The following RBFOX1 variants were observed in gnomAD, a reference collection of about 807,000 sequenced individuals.
RBFOX1 encodes RNA binding fox-1 homolog 1.
A neutral mutation model predicts 57.7 loss-of-function variants in RBFOX1; 8 were observed. That is an observed-to-expected ratio of 0.14 (90% CI 0.08 to 0.25). The LOEUF (loss-of-function observed/expected upper bound fraction) is 0.25. Ranked by LOEUF, RBFOX1 falls within the 10% of genes least tolerant of loss-of-function variation. RBFOX1 has a pLI of 1.00. For missense variants in RBFOX1, 611 were observed against 548.5 expected (o/e 1.11, Z -1.14); for synonymous variants, 326 against 222.4 (o/e 1.47, Z -4.15).
intron 3 of RBFOX1, among the ~76,000 whole-genome samples, chr16:6,660,997 G>A (rs2098697976): frequency 1.3e-5 from 2 of 152,140 alleles, no homozygotes; most frequent in Admixed American, 6.5e-5. Flanking sequence ...TTAATGAAGA[G>A]GCAGAGGAGT....
At chr16:6,764,254 G>A (rs2077020746) in intron 3 of RBFOX1, among the ~76,000 whole-genome samples, 1 of 152,168 alleles carries the variant, frequency 6.6e-6, no homozygotes, top group South Asian at 2.1e-4. Context: ...GGCTGGACTT[G>A]AAAGCACTGA....
intron 1 of RBFOX1, among the ~76,000 whole-genome samples, chr16:6,277,458 CAAAA>C (rs59733415): frequency 8.7e-5 from 7 of 80,820 alleles, no homozygotes; most frequent in East Asian, 3.8e-4. Flanking sequence ...GTCTGTCTCC[CAAAA>C]AAAAAAAAAA....
intron 4 of RBFOX1, among the ~76,000 whole-genome samples, chr16:7,132,084 C>A (rs1281474460): frequency 6.6e-6 from 1 of 150,998 alleles, no homozygotes; most frequent in Non-Finnish European, 1.5e-5. Context: ...CTCTGCCGCC[C>A]GGGCTGAAGC....
chr16:7,643,411 C>G (rs1471176395), intron 11 of RBFOX1, among the ~76,000 whole-genome samples: 1 of 152,062 alleles, frequency 6.6e-6, no homozygotes, highest in Non-Finnish European at 1.5e-5. Context: ...ATTAAAAAAG[C>G]AATTATATAT....
At chr16:7,245,519 T>C (rs1424434936) in intron 4 of RBFOX1, among the ~76,000 whole-genome samples, 1 of 152,214 alleles carries the variant, frequency 6.6e-6, no homozygotes, top group Non-Finnish European at 1.5e-5. Flanking sequence ...ACAGAGGCTA[T>C]TATGATTTGC....
At chr16:7,043,582 T>C (rs1270887402) in intron 3 of RBFOX1, among the ~76,000 whole-genome samples, 1 of 152,222 alleles carries the variant, frequency 6.6e-6, no homozygotes, top group East Asian at 1.9e-4. Context: ...AAGCTACCAA[T>C]TGATTTGATA....
At chr16:6,388,956 G>C (rs2092449179) in intron 2 of RBFOX1, among the ~76,000 whole-genome samples, 1 of 152,124 alleles carries the variant, frequency 6.6e-6, no homozygotes, top group Non-Finnish European at 1.5e-5. Flanking sequence ...AGGAGATGTT[G>C]GACAATGACA....
At chr16:7,081,075 C>T (rs941876678) in intron 4 of RBFOX1, among the ~76,000 whole-genome samples, 1 of 152,180 alleles carries the variant, frequency 6.6e-6, no homozygotes, top group Non-Finnish European at 1.5e-5. Flanking sequence ...CACTCTGTCA[C>T]CAAGGCTGGA....
intron 3 of RBFOX1, among the ~76,000 whole-genome samples, chr16:6,800,268 A>G (rs544293331): frequency 1.3e-5 from 2 of 149,172 alleles, no homozygotes; most frequent in African/African-American, 5.2e-5. Context: ...CTCAGCATTG[A>G]AAACCCAGCA....
intron 3 of RBFOX1, among the ~76,000 whole-genome samples, chr16:5,859,838 C>A (rs2057165365): frequency 6.6e-6 from 1 of 152,134 alleles, no homozygotes; most frequent in Non-Finnish European, 1.5e-5. Context: ...TTTATTATAC[C>A]TCAAGATACT....
At chr16:7,526,216 C>A (rs1416207517) in intron 5 of RBFOX1, among the ~76,000 whole-genome samples, 1 of 152,152 alleles carries the variant, frequency 6.6e-6, no homozygotes, top group Non-Finnish European at 1.5e-5. Context: ...CTCCCTGCCC[C>A]ACTGTGTCCA....
At chr16:7,705,638 T>TGAA (rs2082191740) in intron 14 of RBFOX1, among the ~76,000 whole-genome samples, 1 of 152,194 alleles carries the variant, frequency 6.6e-6, no homozygotes, top group Non-Finnish European at 1.5e-5. Flanking sequence ...GGAAAACTAT[T>TGAA]GAAGGGTTTT....
chr16:6,612,695 T>G (rs12931429), intron 2 of RBFOX1, among the ~76,000 whole-genome samples: 35,949 of 151,316 alleles, frequency 0.24, 4,408 homozygotes, highest in Middle Eastern at 0.27. Context: ...CTACTAAAAA[T>G]ACAAAAATTA....
intron 10 of RBFOX1, among the ~76,000 whole-genome samples, chr16:7,627,976 G>A (rs1231153772): frequency 1.3e-5 from 2 of 151,152 alleles, no homozygotes; most frequent in Non-Finnish European, 2.9e-5. Context: ...CAGGTTCTCA[G>A]AATCCACAGC....
At chr16:6,327,802 G>A (rs1268260685) in intron 2 of RBFOX1, among the ~76,000 whole-genome samples, 1 of 152,188 alleles carries the variant, frequency 6.6e-6, no homozygotes, top group East Asian at 1.9e-4. Context: ...GATCTGAGAT[G>A]AATGCCATGT....
intron 3 of RBFOX1, among the ~76,000 whole-genome samples, chr16:5,761,452 T>C (rs1351341552): frequency 6.6e-6 from 1 of 152,218 alleles, no homozygotes; most frequent in Non-Finnish European, 1.5e-5. Flanking sequence ...CTGGATACTT[T>C]ATAAAGGAAA....
chr16:6,505,618 G>C (rs1445770422), intron 2 of RBFOX1, among the ~76,000 whole-genome samples: 4 of 152,024 alleles, frequency 2.6e-5, no homozygotes, highest in Non-Finnish European at 5.9e-5. Flanking sequence ...AAATAAATAA[G>C]GTATTGATTT....
chr16:6,396,371 C>T (rs1196463941), intron 2 of RBFOX1, among the ~76,000 whole-genome samples: 1 of 152,074 alleles, frequency 6.6e-6, no homozygotes, highest in South Asian at 2.1e-4. Flanking sequence ...TACAGTCTTA[C>T]TGAGTTTGAG....
At chr16:7,131,993 T>A (rs1202968665) in intron 4 of RBFOX1, among the ~76,000 whole-genome samples, 1 of 111,908 alleles carries the variant, frequency 8.9e-6, no homozygotes, top group Non-Finnish European at 1.7e-5. Flanking sequence ...GTCCTTTTTT[T>A]CTTTCTTTTT....
Sources: allele counts gnomAD v4.1 joint callset (sites outside exome capture counted in the v4.1 genomes callset), GRCh38; gene constraint gnomAD v4.1.1; transcripts MANE v1.5; gene names NCBI Gene and HGNC (gene_info 2026-07-23, HGNC 2026-07-21).